The following ARHGAP35 variants were observed in gnomAD, a reference collection of about 807,000 sequenced individuals.
ARHGAP35 encodes rho GTPase-activating protein 35.
A neutral mutation model predicts 111.1 loss-of-function variants in ARHGAP35; 15 were observed. The ratio of observed to expected loss-of-function variants is 0.13; its 90% confidence interval spans 0.09 to 0.21. The LOEUF is 0.21. Ranked by LOEUF, ARHGAP35 falls within the 10% of genes least tolerant of loss-of-function variation. The pLI is 1.00. For missense variants in ARHGAP35, 1,262 were observed against 1,873.0 expected (o/e 0.67, Z 6.02); for synonymous variants, 643 against 710.3 (o/e 0.91, Z 1.51).
chr19:46,989,410 C>T lies in ARHGAP35; in HGVS notation c.3905-134C>T. 8.4e-7 allele frequency: 1 copy of T among 1,186,134 alleles called. No homozygotes were observed. The highest frequency in any genetic ancestry group is 2.4e-5 in the Admixed American group (1 of 42,252). The allele number at this position is 1,186,134 out of a possible 1,614,324, so 73.5% of individuals were successfully genotyped here. ...CGCGTTAGCGCTCACAAGTCCCACC[C>T]CTCCAATCCTTGCCAGTCCTGAGGC... On this transcript the variant is annotated intron_variant, in intron 4 of 6. Transcript: ENST00000672722. The surrounding 1 kb of genome is among the most constrained non-coding windows in gnomAD (Gnocchi z 5.3).
In ARHGAP35 at chr19:47,001,198, G is replaced by A. The variant is rs937978969; in HGVS notation, c.*510G>A. On this transcript the variant is annotated 3_prime_UTR_variant, in exon 7 of 7. Transcript: ENST00000672722. This position sits in a 1 kb window ranked among gnomAD's most constrained non-coding sequence, Gnocchi z 5.4. Reference sequence around the variant, plus strand: ...CCCGGCTGGCGGCCTCCTTGGGAACGTGTAGGCCACGGCTCTGCCACCACT... The same window carrying A: ...CCCGGCTGGCGGCCTCCTTGGGAACATGTAGGCCACGGCTCTGCCACCACT... The A allele has an allele frequency of 3.6e-5, 46 of 1,263,388 alleles. No homozygotes were observed. Among genetic ancestry groups the A allele is most frequent in the South Asian group, 3.9e-5 (3 of 77,472 alleles). The allele number at this position is 1,263,388 out of a possible 1,614,324, so 78.3% of individuals were successfully genotyped here.
At chr19:46,964,318 G>A (rs1472080481) in intron 3 of ARHGAP35, among the ~76,000 whole-genome samples, 2 of 151,102 alleles carry the variant, frequency 1.3e-5, no homozygotes, top group Non-Finnish European at 1.5e-5. Flanking sequence ...AGGCTGGAGC[G>A]CTGCAGTGGC....
chr19:46,873,636 C>CAAAA (rs370925647), intron 1 of ARHGAP35, among the ~76,000 whole-genome samples: 1 of 131,816 alleles, frequency 7.6e-6, no homozygotes, highest in Non-Finnish European at 1.6e-5. Context: ...GACTCTTTCT[C>CAAAA]AAAAAAAAAA....
At chr19:46,998,737 G>A (rs1044017861) in intron 5 of ARHGAP35, among the ~76,000 whole-genome samples, 2 of 152,248 alleles carry the variant, frequency 1.3e-5, no homozygotes, top group Non-Finnish European at 2.9e-5. Context: ...GGCGTTGGGG[G>A]AAAAGGGGGT....
intron 1 of ARHGAP35, among the ~76,000 whole-genome samples, chr19:46,869,042 A>G (rs2055873849): frequency 1.3e-5 from 2 of 151,276 alleles, no homozygotes; most frequent in Admixed American, 6.6e-5. Flanking sequence ...AGTAGCTGGG[A>G]TTACAGGCAC....
chr19:46,921,480 C>A lies in ARHGAP35; in HGVS notation c.2805C>A (p.His935Gln), dbSNP rs760259159. The change falls in exon 2 of 7, where the codon CAC becomes CAA. Residue 935 changes from histidine to glutamine, a missense_variant. By Grantham distance (24) the His-to-Gln change is conservative (BLOSUM62 0). Around this residue, in one of 8 missense-constraint regions of ARHGAP35, gnomAD observed 579 missense variants for 716.9 expected, o/e 0.81. Transcript: ENST00000672722. The surrounding 1 kb of genome is among the most constrained non-coding windows in gnomAD (Gnocchi z 4.3). ...SQPQHKLEIFHPFFKDVVEKK... is the reference protein window; with the variant it reads ...SQPQHKLEIFQPFFKDVVEKK... ...CCCAGCATAAACTTGAGATCTTTCA[C>A]CCATTTTTTAAAGATGTGGTGGAAA... 6.2e-7 allele frequency: 1 copy of A among 1,613,894 alleles called. No homozygotes were observed. The highest frequency in any genetic ancestry group is 1.1e-5 in the South Asian group (1 of 91,082).
Position 46,986,442 on chromosome 19 carries a change from A to AT in ARHGAP35, c.3827-1540dup, listed in dbSNP as rs1467242310. ...TCCAGAATGATCACAGAATGAAATG[A>AT]TTTTTTTAACTGATAAAAAGAACTA... On this transcript the variant is annotated intron_variant, in intron 3 of 6. Coordinates refer to ENST00000672722, the MANE Select transcript of ARHGAP35 (RefSeq NM_004491.5). This position sits in a 1 kb window ranked among gnomAD's most constrained non-coding sequence, Gnocchi z 4.3. Among the ~76,000 whole-genome samples the AT allele has an allele frequency of 2.0e-5, 3 of 152,188 alleles. No homozygotes were observed. Among genetic ancestry groups the AT allele is most frequent in the African/African-American group, 7.2e-5 (3 of 41,436 alleles).
intron 3 of ARHGAP35, among the ~76,000 whole-genome samples, chr19:46,974,619 G>C (rs1284564390): frequency 1.3e-5 from 2 of 152,104 alleles, no homozygotes; most frequent in Non-Finnish European, 2.9e-5. Flanking sequence ...CAACCCAGAA[G>C]CTCTACAGAC....
In ARHGAP35 at chr19:46,996,393, C is replaced by T. The variant is rs535005886; in HGVS notation, c.4037-2911C>T. ...CTGGGATTACAGGCCTGAGCCACCGCGCCCGGCCCCTAAATTATTATCAAT... is the reference window on the plus strand; with the variant it reads ...CTGGGATTACAGGCCTGAGCCACCGTGCCCGGCCCCTAAATTATTATCAAT... On this transcript the variant is annotated intron_variant, in intron 5 of 6. Transcript: ENST00000672722. 7.2e-5 allele frequency among the ~76,000 whole-genome samples: 11 copies of T among 152,296 alleles called. No homozygotes were observed. In the East Asian group the frequency reaches 1.2e-3, roughly 16 times the overall value.
chr19:46,899,145 C>A (rs2056071733), intron 1 of ARHGAP35, among the ~76,000 whole-genome samples: 1 of 152,068 alleles, frequency 6.6e-6, no homozygotes, highest in Admixed American at 6.6e-5. Flanking sequence ...TTGGGTGATG[C>A]ATTTCTCATA....
intron 1 of ARHGAP35, among the ~76,000 whole-genome samples, chr19:46,888,317 T>TAAAA (rs1365181599): frequency 7.5e-5 from 4 of 53,316 alleles, no homozygotes; most frequent in Non-Finnish European, 1.4e-4. Flanking sequence ...TATATATATA[T>TAAAA]AAAATATTGA....
At chr19:46,899,076 C>G (rs2056071262) in intron 1 of ARHGAP35, among the ~76,000 whole-genome samples, 1 of 152,184 alleles carries the variant, frequency 6.6e-6, no homozygotes, top group African/African-American at 2.4e-5. Context: ...GCTTTCAGTT[C>G]TGCTGATACG....
At position 46,922,271 on chromosome 19, in the gene ARHGAP35, A is replaced by C; in HGVS notation, c.3596A>C (p.Lys1199Thr). The C allele has an allele frequency of 6.2e-7, 1 of 1,613,966 alleles. No individual in the cohort carries two copies. Among genetic ancestry groups the C allele is most frequent in the Non-Finnish European group, 8.5e-7 (1 of 1,179,890 alleles). ...GAGGATCAGGCATCCCAGGGTTATA[A>C]AGGGGACAATGCTGTCATTCCATAC... ...KEEDQASQGY[K>T]GDNAVIPYET... The change falls in exon 2 of 7, where the codon AAA becomes ACA. Residue 1199 changes from lysine to threonine, a missense_variant. Lys to Thr is a moderately conservative substitution (Grantham distance 78, BLOSUM62 -1). Transcript: ENST00000672722. The surrounding 1 kb of genome is among the most constrained non-coding windows in gnomAD (Gnocchi z 4.0).
Position 46,919,912 on chromosome 19 carries a change from G to C in ARHGAP35, c.1237G>C (p.Glu413Gln). 3.1e-6 allele frequency: 5 copies of C among 1,614,024 alleles called. No homozygotes were observed. Among genetic ancestry groups the C allele is most frequent in the Non-Finnish European group, 4.2e-6 (5 of 1,179,896 alleles). The change falls in exon 2 of 7, where the codon GAG becomes CAG. Residue 413 changes from glutamate (E) to glutamine (Q), a missense_variant. By Grantham distance (29) the Glu-to-Gln change is conservative (BLOSUM62 2). Around this residue, in one of 8 missense-constraint regions of ARHGAP35, gnomAD observed 328 missense variants for 440.8 expected, o/e 0.74. Coordinates refer to ENST00000672722, the MANE Select transcript of ARHGAP35 (RefSeq NM_004491.5). This position sits in a 1 kb window ranked among gnomAD's most constrained non-coding sequence, Gnocchi z 6.2. ...PFDLMDTVPA[E>Q]QLYEAHLEKL... ...TGATTTAATGGATACCGTCCCTGCA[G>C]AGCAGCTATACGAGGCCCACTTAGA...
Position 46,919,634 on chromosome 19 carries a change from T to G in ARHGAP35, c.959T>G (p.Leu320Arg). The G allele has an allele frequency of 6.2e-7, 1 of 1,613,944 alleles. No homozygotes were observed. Residue 320 changes from leucine (L) to arginine (R), a missense_variant, in exon 2 of 7, where the codon CTG becomes CGG. Coordinates refer to ENST00000672722, the MANE Select transcript of ARHGAP35 (RefSeq NM_004491.5). This position sits in a 1 kb window ranked among gnomAD's most constrained non-coding sequence, Gnocchi z 6.2. ...YLEGTQKAKK[L>R]FLQHIHRLKH... ...GAAGGGACTCAGAAAGCCAAGAAGC[T>G]GTTTCTACAGCACATCCACCGCCTC...
At chr19:46,928,661 G>T (rs895678127) in intron 2 of ARHGAP35, among the ~76,000 whole-genome samples, 1 of 152,170 alleles carries the variant, frequency 6.6e-6, no homozygotes, top group Admixed American at 6.5e-5. Context: ...GCTGGGCGCG[G>T]TGGGTCACAC....
chr19:46,920,685 G>A lies in ARHGAP35; in HGVS notation c.2010G>A (p.Ser670=), dbSNP rs955717525. 20 of 1,613,734 alleles carry A rather than the reference G, an allele frequency of 1.2e-5. No homozygotes were observed. Among genetic ancestry groups the A allele is most frequent in the Admixed American group, 1.7e-5 (1 of 59,996 alleles). Residue 670 remains serine (S), a synonymous_variant, in exon 2 of 7, where the codon TCG becomes TCA. Coordinates refer to ENST00000672722, the MANE Select transcript of ARHGAP35 (RefSeq NM_004491.5). The surrounding 1 kb of genome is among the most constrained non-coding windows in gnomAD (Gnocchi z 7.0). ...TCTGCCTTTACAATTCAAAGGAATC[G>A]CTATCCTATGTAGTGGAAAGTATAG... ...GCLCLYNSKE[S]LSYVVESIEK...
rs1413012016 is a variant in ARHGAP35 at position 46,908,759 on chromosome 19, G to A, written c.-188-9729G>A. 2.6e-5 allele frequency among the ~76,000 whole-genome samples: 4 copies of A among 152,176 alleles called. No homozygotes were observed. The highest frequency in any genetic ancestry group is 5.9e-5 in the Non-Finnish European group (4 of 68,036). ...TCTGTTTCTTTGGGACCAGCCTGTA[G>A]AGTTCTGCAAGCCTGGAAGCATGAG... On this transcript the variant is annotated intron_variant, in intron 1 of 6. Coordinates refer to ENST00000672722, the MANE Select transcript of ARHGAP35 (RefSeq NM_004491.5). This position sits in a 1 kb window ranked among gnomAD's most constrained non-coding sequence, Gnocchi z 4.2.
Position 47,001,111 on chromosome 19 carries a change from C to A in ARHGAP35, c.*423C>A, listed in dbSNP as rs952272260. ...GGGCTGGCAACCCCTGAAGAGAACA[C>A]TTCCTGTTGGTCTGTCTCTTCCCAC... is the stretch of plus-strand genomic sequence containing the variant. On this transcript the variant is annotated 3_prime_UTR_variant, in exon 7 of 7. Transcript: ENST00000672722. The surrounding 1 kb of genome is among the most constrained non-coding windows in gnomAD (Gnocchi z 5.4). 2.2e-5 allele frequency: 28 copies of A among 1,250,000 alleles called. No homozygotes were observed. Among genetic ancestry groups the A allele is most frequent in the Non-Finnish European group, 2.8e-5 (27 of 975,116 alleles). The allele number at this position is 1,250,000 out of a possible 1,614,324, so 77.4% of individuals were successfully genotyped here.
Sources: allele counts gnomAD v4.1 joint callset (sites outside exome capture counted in the v4.1 genomes callset), GRCh38; gene constraint gnomAD v4.1.1; regional missense constraint gnomAD v4.1.1; non-coding constraint Gnocchi (gnomAD v3.1); transcripts MANE v1.5; gene names NCBI Gene and HGNC (gene_info 2026-07-23, HGNC 2026-07-21).